TRRAP: variants seen among roughly 807,000 people sequenced by gnomAD.
The protein encoded by TRRAP is transformation/transcription domain-associated protein.
A neutral mutation model predicts 438.8 loss-of-function variants in TRRAP; 41 were observed. The ratio of observed to expected loss-of-function variants is 0.09; its 90% CI spans 0.07 to 0.12. The LOEUF (loss-of-function observed/expected upper bound fraction) is 0.12, where lower values mean the gene tolerates loss of function less well. Ranked by LOEUF, TRRAP falls within the 10% of genes least tolerant of loss-of-function variation. TRRAP has a pLI of 1.00. For missense variants in TRRAP, 3,122 were observed against 5,055.1 expected (o/e 0.62, Z 11.60); for synonymous variants, 1,994 against 1,962.9 (o/e 1.02, Z -0.42).
chr7:98,959,134 G>A (rs879132268), intron 44 of TRRAP, among the ~76,000 whole-genome samples: 4 of 152,070 alleles, frequency 2.6e-5, no homozygotes, highest in South Asian at 2.1e-4. Flanking sequence ...CCACGGATGC[G>A]CTGCAGAGGA....
At chr7:98,999,879 C>T (rs770621919) in intron 67 of TRRAP, 9 of 402,296 alleles carry the variant, frequency 2.2e-5, no homozygotes, top group Middle Eastern at 3.8e-4. Context: ...CTTAAATACT[C>T]GCCAGGGCCA....
rs577017523 is a variant in TRRAP at position 98,956,551 on chromosome 7, T to C, written c.6231+18T>C. On this transcript the variant is annotated intron_variant, in intron 43 of 72. Transcript: ENST00000456197. The surrounding 1 kb of genome is among the most constrained non-coding windows in gnomAD (Gnocchi z 4.5). ...TCAGTGCAGTAAGATCATGTGCCTC[T>C]GTATGGGTGCTGCGCATTCTGCTGG... 120 of 1,609,580 alleles carry C rather than the reference T, an allele frequency of 7.5e-5. 1 individual carries two copies. In the South Asian group the frequency reaches 1.3e-3, roughly 17 times the overall value.
chr7:98,897,646 G>GTCAAGCGT, intron 7 of TRRAP, 95 bp from the exon 8 acceptor site: 1 of 1,466,434 alleles, frequency 6.8e-7, no homozygotes, highest in Non-Finnish European at 9.1e-7. Flanking sequence ...CCACCAAAGA[G>GTCAAGCGT]TCAAGCGTCT....
intron 23 of TRRAP, among the ~76,000 whole-genome samples, chr7:98,927,801 C>T (rs1554411837): frequency 6.6e-6 from 1 of 152,102 alleles, no homozygotes; most frequent in African/African-American, 2.4e-5. Context: ...CGTTTCTGCT[C>T]CCAGGATCCT....
chr7:98,945,366 G>C (rs1554416547), intron 31 of TRRAP, among the ~76,000 whole-genome samples: 18 of 152,094 alleles, frequency 1.2e-4, no homozygotes, highest in Non-Finnish European at 2.9e-5. Context: ...CCGGGAAAGA[G>C]GTTTTTGTTA....
chr7:98,961,871 G>A (rs935082330), intron 46 of TRRAP, among the ~76,000 whole-genome samples: 1 of 152,210 alleles, frequency 6.6e-6, no homozygotes, highest in Non-Finnish European at 1.5e-5. Context: ...GGTGAGCCGA[G>A]ATCGTGCCAT....
intron 27 of TRRAP, 61 bp downstream of exon 27, chr7:98,933,463 T>C: frequency 4.5e-6 from 7 of 1,550,242 alleles, no homozygotes; most frequent in Non-Finnish European, 6.1e-6. Flanking sequence ...CTAGCCTGTC[T>C]TTGTACGCGA....
At chr7:98,915,302 C>T (rs1190399432) in intron 18 of TRRAP, among the ~76,000 whole-genome samples, 1 of 152,086 alleles carries the variant, frequency 6.6e-6, no homozygotes, top group East Asian at 1.9e-4. Context: ...AAGCAATTCT[C>T]TTGCCTCAGC....
In TRRAP at chr7:98,988,474, G is replaced by A. The variant is rs553927163; in HGVS notation, c.9390-291G>A. 1.1e-4 allele frequency among the ~76,000 whole-genome samples: 17 copies of A among 152,290 alleles called. 1 individual carries two copies. In the South Asian group the frequency reaches 2.7e-3, roughly 24 times the overall value. ...ACAGGCTTCAACATGGATAAACCTC[G>A]AAAACACTGTGCTAGGTGAAAGAAG... On this transcript the variant is annotated intron_variant, in intron 62 of 72. Coordinates refer to ENST00000456197, the MANE Select transcript of TRRAP (RefSeq NM_001375524.1).
At position 98,930,560 on chromosome 7, in the gene TRRAP, A is replaced by G. The variant is rs1163228526; in HGVS notation, c.3394-73A>G. ...ACCATTGCACTCCGGCCTGGGCAAT[A>G]AGAGCGAAACTCTGTCTCAAAAAAA... On this transcript the variant is annotated intron_variant, in intron 24 of 72. Coordinates refer to ENST00000456197, the MANE Select transcript of TRRAP (RefSeq NM_001375524.1). The G allele has an allele frequency of 5.1e-6, 8 of 1,580,316 alleles. No homozygotes were observed. In the East Asian group the frequency reaches 1.1e-4, roughly 22 times the overall value.
At chr7:98,929,212 TA>T in intron 23 of TRRAP, among the ~76,000 whole-genome samples, 1 of 152,158 alleles carries the variant, frequency 6.6e-6, no homozygotes, top group African/African-American at 2.4e-5. Flanking sequence ...AGTGCTGGGA[TA>T]ACAGGTGTGA....
In TRRAP at chr7:99,005,121, G is replaced by A. The variant is rs776484890; in HGVS notation, c.10536-10G>A. The A allele has an allele frequency of 8.7e-6, 14 of 1,612,538 alleles. No individual in the cohort carries two copies. The highest frequency in any genetic ancestry group is 1.3e-5 in the African/African-American group (1 of 74,916). On this transcript the variant is annotated splice_polypyrimidine_tract_variant and intron_variant, in intron 68 of 72. Transcript: ENST00000456197. The surrounding 1 kb of genome is among the most constrained non-coding windows in gnomAD (Gnocchi z 5.1). ...GCAGGGCATGTCCTCATGGCTTCTC[G>A]CTCTGGCAGGTTCATGCCCCGGGTA...
At chr7:98,945,556 C>T (rs1791013130) in intron 31 of TRRAP, among the ~76,000 whole-genome samples, 191 bp from the exon 32 acceptor site, 1 of 152,174 alleles carries the variant, frequency 6.6e-6, no homozygotes, top group African/African-American at 2.4e-5. Context: ...GTCAGATGGG[C>T]CGTGTTTTGA....
At chr7:98,907,396 T>C (rs183021801) in intron 13 of TRRAP, among the ~76,000 whole-genome samples, 63 of 152,346 alleles carry the variant, frequency 4.1e-4, no homozygotes, top group African/African-American at 1.1e-3. Context: ...CTTTACATTA[T>C]AAAATGAATC....
intron 47 of TRRAP, among the ~76,000 whole-genome samples, chr7:98,963,069 G>A (rs531691311): frequency 6.6e-6 from 1 of 152,310 alleles, no homozygotes. Flanking sequence ...GAAGTCACCT[G>A]TCAGGCTCTC....
Position 98,976,904 on chromosome 7 carries a change from C to T in TRRAP, c.8248-35C>T, listed in dbSNP as rs772265400. On this transcript the variant is annotated intron_variant, in intron 55 of 72. Transcript: ENST00000456197. The surrounding 1 kb of genome is among the most constrained non-coding windows in gnomAD (Gnocchi z 4.6). ...TTTAGGGGGGAAAAAAAGTCTCTGT[C>T]TCAAGCACTCAGGAACCTTACTTTG... 3.7e-6 allele frequency: 6 copies of T among 1,612,486 alleles called. No homozygotes were observed. In the South Asian group the frequency reaches 4.4e-5, roughly 12 times the overall value.
At chr7:98,960,759 TTGTG>T (rs35384186) in intron 45 of TRRAP, among the ~76,000 whole-genome samples, 566 of 144,114 alleles carry the variant, frequency 3.9e-3, no homozygotes, top group East Asian at 5.0e-3. Context: ...GCCTGGCTTT[TTGTG>T]TGTGTGTGTG....
chr7:98,933,411 G>C lies in TRRAP; in HGVS notation c.4014+9G>C. 6.2e-7 allele frequency: 1 copy of C among 1,611,308 alleles called. No individual in the cohort carries two copies. ...AGGTGTTCTACACAGAGGTAGGGGG[G>C]TGGTGGTGCGGAGTGGTGTGGATGG... is the stretch of plus-strand genomic sequence containing the variant. On this transcript the variant is annotated intron_variant, in intron 27 of 72. Coordinates refer to ENST00000456197, the MANE Select transcript of TRRAP (RefSeq NM_001375524.1).
At chr7:98,916,724 G>A (rs1318714487) in intron 19 of TRRAP, among the ~76,000 whole-genome samples, 2 of 152,158 alleles carry the variant, frequency 1.3e-5, no homozygotes, top group Non-Finnish European at 2.9e-5. Flanking sequence ...CCCAAGGGGT[G>A]TTCCTCCCTC....
Sources: gnomAD v4.1 joint callset for allele counts (sites outside exome capture counted in the v4.1 genomes callset) on GRCh38, gnomAD v4.1.1 for gene constraint, Gnocchi (gnomAD v3.1) non-coding constraint, MANE v1.5 for transcripts, NCBI Gene and HGNC (gene_info 2026-07-23, HGNC 2026-07-21) for gene names.